The following ARID2 variants were observed in gnomAD, a reference collection of about 807,000 sequenced individuals.
ARID2 encodes AT-rich interactive domain-containing protein 2.
In ARID2, 32 loss-of-function variants were observed where a neutral mutation model predicts 184.6. The observed-to-expected ratio is 0.17, with a 90% CI of 0.13 to 0.23. ARID2 has a LOEUF of 0.23. Among genes scored for constraint, ARID2 ranks in the 10% least tolerant of loss-of-function variants. The probability of loss-of-function intolerance (pLI) is 1.00; values close to 1 mark genes in which losing one functional copy is unlikely to be tolerated. For missense variants in ARID2, 1,696 were observed against 2,197.6 expected (o/e 0.77, Z 4.56); for synonymous variants, 836 against 772.6 (o/e 1.08, Z -1.36).
intron 16 of ARID2, among the ~76,000 whole-genome samples, chr12:45,861,501 C>T (rs1480449768): frequency 6.6e-6 from 1 of 150,970 alleles, no homozygotes; most frequent in Non-Finnish European, 1.5e-5. Flanking sequence ...AAATAAAAAT[C>T]TTAATTCCTT....
intron 6 of ARID2, among the ~76,000 whole-genome samples, chr12:45,825,897 T>C (rs1422620385): frequency 1.3e-5 from 2 of 151,988 alleles, no homozygotes; most frequent in African/African-American, 2.4e-5. Context: ...CTGGAAACTT[T>C]CATGTAGATC....
chr12:45,873,732 G>A (rs1430801200), intron 16 of ARID2, among the ~76,000 whole-genome samples: 1 of 152,128 alleles, frequency 6.6e-6, no homozygotes, highest in East Asian at 1.9e-4. Context: ...ATAACATTTT[G>A]TCTAAAATAA....
chr12:45,754,226 G>C (rs1412667449), intron 3 of ARID2, among the ~76,000 whole-genome samples: 1 of 152,196 alleles, frequency 6.6e-6, no homozygotes, highest in Non-Finnish European at 1.5e-5. Context: ...AGGGCTGAGT[G>C]ATGCAGGTAA....
chr12:45,807,253 C>T (rs1480482013), intron 3 of ARID2, among the ~76,000 whole-genome samples: 2 of 152,084 alleles, frequency 1.3e-5, no homozygotes, highest in Admixed American at 6.5e-5. Flanking sequence ...AATATGAGTC[C>T]TTGCCCTATC....
chr12:45,744,058 G>A (rs577109028), intron 3 of ARID2, among the ~76,000 whole-genome samples: 1 of 151,536 alleles, frequency 6.6e-6, no homozygotes. Context: ...TGCAAATAGG[G>A]ATTGTTTTAC....
intron 6 of ARID2, among the ~76,000 whole-genome samples, chr12:45,830,964 A>C (rs1036783395): frequency 6.6e-6 from 1 of 151,952 alleles, no homozygotes; most frequent in African/African-American, 2.4e-5. Context: ...AGGCTGAGGC[A>C]GGAGAATCAC....
Position 45,906,884 on chromosome 12 carries a change from A to T in ARID2, c.*1806A>T, listed in dbSNP as rs1354998244. On this transcript the variant is annotated 3_prime_UTR_variant, in exon 21 of 21. Transcript: ENST00000334344. ...TTGATGTTGTGTTTCTTGACTGTTT[A>T]TTCAGAATCACAGTGTATCCAAATC... 2 of 232,098 alleles carry T rather than the reference A, an allele frequency of 8.6e-6. No homozygotes were observed. Among genetic ancestry groups the T allele is most frequent in the Non-Finnish European group, 1.7e-5 (2 of 117,482 alleles). The allele number at this position is 232,098 out of a possible 1,614,324, so 14.4% of individuals were successfully genotyped here. A position where few individuals can be genotyped will look rare whatever the true frequency, so the allele number is the denominator to read the frequency against.
intron 2 of ARID2, among the ~76,000 whole-genome samples, chr12:45,730,856 G>C (rs1298502936): frequency 7.6e-6 from 1 of 131,520 alleles, no homozygotes; most frequent in African/African-American, 2.9e-5. Context: ...GTCCGGAACT[G>C]TATTGATCCT....
intron 3 of ARID2, among the ~76,000 whole-genome samples, chr12:45,809,557 C>G (rs1317912804): frequency 2.0e-5 from 3 of 152,146 alleles, no homozygotes; most frequent in Non-Finnish European, 2.9e-5. Flanking sequence ...CTGCAAGGGA[C>G]ATACTCAGAG....
At chr12:45,778,947 T>A (rs1429536306) in intron 3 of ARID2, among the ~76,000 whole-genome samples, 1 of 152,026 alleles carries the variant, frequency 6.6e-6, no homozygotes, top group Non-Finnish European at 1.5e-5. Flanking sequence ...AAAAAATAAA[T>A]TTTTAAAATT....
chr12:45,902,365 T>C (rs946875865), intron 20 of ARID2, among the ~76,000 whole-genome samples: 4 of 152,190 alleles, frequency 2.6e-5, no homozygotes, highest in African/African-American at 9.6e-5. Context: ...TCTAGTTTTA[T>C]CCATGCAATA....
chr12:45,746,436 C>T (rs967328652), intron 3 of ARID2, among the ~76,000 whole-genome samples: 8 of 151,776 alleles, frequency 5.3e-5, no homozygotes, highest in African/African-American at 1.9e-4. Context: ...AATATCTAGA[C>T]AAAGGGATGG....
chr12:45,740,814 A>G (rs956047440), intron 3 of ARID2, among the ~76,000 whole-genome samples: 6 of 152,156 alleles, frequency 3.9e-5, no homozygotes, highest in South Asian at 2.1e-4. Context: ...ATTTTGAACT[A>G]TACAGGCCAA....
rs1350624716 is a variant in ARID2 at position 45,851,510 on chromosome 12, G to T, written c.3387G>T (p.Leu1129Phe). 8 of 1,613,986 alleles carry T rather than the reference G, an allele frequency of 5.0e-6. No individual in the cohort carries two copies. The highest frequency in any genetic ancestry group is 5.9e-6 in the Non-Finnish European group (7 of 1,179,994). ...QLLVGQQNVQ[L>F]VPSAMPPSGG... is the part of the protein sequence containing the mutation. ...TGGTTGGGCAGCAAAATGTTCAGTTGGTCCCAAGTGCAATGCCACCCTCAG... is the reference window on the plus strand; with the variant it reads ...TGGTTGGGCAGCAAAATGTTCAGTTTGTCCCAAGTGCAATGCCACCCTCAG... The change falls in exon 15 of 21, where the codon TTG becomes TTT. Residue 1129 changes from leucine to phenylalanine, a missense_variant. By Grantham distance (22) the Leu-to-Phe change is conservative. Transcript: ENST00000334344.
At chr12:45,904,252 C>T in intron 20 of ARID2, 1 of 663,916 alleles carries the variant, frequency 1.5e-6, no homozygotes, top group South Asian at 1.7e-5. Flanking sequence ...ATTATACCTA[C>T]AATATAATTT....
In ARID2 at chr12:45,906,102, G is replaced by A. The variant is rs138380728; in HGVS notation, c.*1024G>A. On this transcript the variant is annotated 3_prime_UTR_variant, in exon 21 of 21. Transcript: ENST00000334344. Reference sequence around the variant, plus strand: ...CATGTATCCACTGTAAACGTTTGTCGTGTACAAGCTCAGAGCTTGGACAGA... The same window carrying A: ...CATGTATCCACTGTAAACGTTTGTCATGTACAAGCTCAGAGCTTGGACAGA... 1,217 of 232,314 alleles carry A rather than the reference G, an allele frequency of 5.2e-3. 10 individuals carry two copies. Among genetic ancestry groups the A allele is most frequent in the African/African-American group, 0.024 (1,109 of 45,306 alleles). 14.4% of individuals were successfully genotyped at this position (232,314 alleles called of 1,614,324 possible).
In ARID2 at chr12:45,774,741, T is replaced by C. The variant is rs149878938; in HGVS notation, c.285-36677T>C. On this transcript the variant is annotated intron_variant, in intron 3 of 20. Coordinates refer to ENST00000334344, the MANE Select transcript of ARID2 (RefSeq NM_152641.4). ...ACTGCCAACACACTAGGCAGCCATGTACACATACAAAATGATAATAATAGT... is the reference window on the plus strand; with the variant it reads ...ACTGCCAACACACTAGGCAGCCATGCACACATACAAAATGATAATAATAGT... Among the ~76,000 whole-genome samples, 62 of 152,322 alleles carry C rather than the reference T, an allele frequency of 4.1e-4. No individual in the cohort carries two copies. In the South Asian group the frequency reaches 4.8e-3, roughly 12 times the overall value.
chr12:45,738,318 T>C (rs902403139), intron 3 of ARID2, among the ~76,000 whole-genome samples: 2 of 152,208 alleles, frequency 1.3e-5, no homozygotes, highest in Non-Finnish European at 2.9e-5. Context: ...TATTTATTTA[T>C]TTTTATTTAT....
At chr12:45,861,018 T>A in intron 16 of ARID2, 69 bp downstream of exon 16, 1 of 1,327,844 alleles carries the variant, frequency 7.5e-7, no homozygotes, top group Non-Finnish European at 9.8e-7. Flanking sequence ...TTTAAGTTTC[T>A]GTCATCTATA....
Sources: allele counts gnomAD v4.1 joint callset (sites outside exome capture counted in the v4.1 genomes callset), GRCh38; gene constraint gnomAD v4.1.1; transcripts MANE v1.5; gene names NCBI Gene and HGNC (gene_info 2026-07-23, HGNC 2026-07-21).